The following ENO4 variants were observed in gnomAD, a reference collection of about 807,000 sequenced individuals.
ENO4 encodes enolase 4.
A neutral mutation model predicts 63.2 loss-of-function variants in ENO4; 53 were observed. The ratio of observed to expected loss-of-function variants is 0.84; its 90% CI spans 0.67 to 1.05. The LOEUF (loss-of-function observed/expected upper bound fraction) is 1.05. Ranked by LOEUF, ENO4 falls within the 50% of genes least tolerant of loss-of-function variation. The pLI is 0.00. For synonymous variants in ENO4, 266 were observed against 283.8 expected (o/e 0.94, Z 0.63); for missense variants, 719 against 772.0 (o/e 0.93, Z 0.81).
At chr10:116,899,527 G>A (rs1394759814) in intron 10 of ENO4, among the ~76,000 whole-genome samples, 2 of 86,376 alleles carry the variant, frequency 2.3e-5, no homozygotes, top group Non-Finnish European at 6.4e-5. Flanking sequence ...GTGTGTGTGT[G>A]TGTGTGTGTG....
chr10:116,878,238 C>T (rs1846891099), intron 11 of ENO4, among the ~76,000 whole-genome samples: 1 of 152,174 alleles, frequency 6.6e-6, no homozygotes, highest in Non-Finnish European at 1.5e-5. Flanking sequence ...AGGAACTAGA[C>T]AGAAAGCTGG....
chr10:116,861,257 A>T, intron 6 of ENO4, 67 bp downstream of exon 6: 3 of 405,862 alleles, frequency 7.4e-6, no homozygotes, highest in Non-Finnish European at 1.1e-5. Context: ...ATATATATAT[A>T]CTCCGTCATT....
intron 10 of ENO4, among the ~76,000 whole-genome samples, chr10:116,903,381 C>G (rs558936634): frequency 9.9e-5 from 15 of 152,108 alleles, no homozygotes; most frequent in African/African-American, 3.4e-4. Flanking sequence ...AGAAATCAGC[C>G]AGGTTTGATG....
chr10:116,879,989 A>G lies in ENO4; in HGVS notation c.1723+3A>G, dbSNP rs1329190522. On this transcript the variant is annotated splice_donor_region_variant and intron_variant, in intron 13 of 13. Transcript: ENST00000341276. ...ACTTGTCCAGAATGGAACACTGGGTATGCGCTGCTTTCTTGCTTTGTTTCC... is the reference window on the plus strand; with the variant it reads ...ACTTGTCCAGAATGGAACACTGGGTGTGCGCTGCTTTCTTGCTTTGTTTCC... 2 of 1,535,032 alleles carry G rather than the reference A, an allele frequency of 1.3e-6. No individual in the cohort carries two copies. Among genetic ancestry groups the G allele is most frequent in the Non-Finnish European group, 1.8e-6 (2 of 1,133,552 alleles).
intron 10 of ENO4, among the ~76,000 whole-genome samples, chr10:116,907,070 T>C (rs1184297165): frequency 6.6e-6 from 1 of 152,130 alleles, no homozygotes; most frequent in Non-Finnish European, 1.5e-5. Context: ...GTGATGTGTG[T>C]TGACTGGGTG....
chr10:116,879,651 G>T (rs186941718), intron 12 of ENO4, among the ~76,000 whole-genome samples: 3 of 152,174 alleles, frequency 2.0e-5, no homozygotes. Flanking sequence ...GCATGCCTAC[G>T]TGACTAGTAA....
chr10:116,878,836 C>T (rs952151433), intron 11 of ENO4, among the ~76,000 whole-genome samples: 6 of 149,870 alleles, frequency 4.0e-5, no homozygotes, highest in Non-Finnish European at 7.4e-5. Flanking sequence ...CTCTGCCTCC[C>T]GGGTTCACGC....
intron 2 of ENO4, among the ~76,000 whole-genome samples, chr10:116,856,149 T>C (rs917939537): frequency 2.0e-5 from 3 of 152,216 alleles, no homozygotes; most frequent in Admixed American, 6.5e-5. Context: ...TAACAATTCG[T>C]TTTAATTCAC....
In ENO4 at chr10:116,904,055, A is replaced by T. The variant is rs559096256; in HGVS notation, c.1195-7444A>T. ...ACATCCTTTGTCCCTGGGGCAGATAACCATTAACCTGAGATCTTAGCTCTG... is the reference window on the plus strand; with the variant it reads ...ACATCCTTTGTCCCTGGGGCAGATATCCATTAACCTGAGATCTTAGCTCTG... On this transcript the variant is annotated intron_variant, in intron 10 of 10. Transcript: ENST00000369207. Among the ~76,000 whole-genome samples the T allele has an allele frequency of 3.3e-5, 5 of 152,288 alleles. No homozygotes were observed. The South Asian group carries it at 1.0e-3, about 32-fold the overall frequency.
downstream of ENO4, chr10:116,885,679 C>G (rs1847143651): frequency 6.6e-6 from 1 of 152,342 alleles, no homozygotes; most frequent in East Asian, 1.9e-4. Context: ...GTTCTGTATT[C>G]AGGCTACCAG....
downstream of ENO4, chr10:116,883,648 A>C (rs1045784458): frequency 1.3e-5 from 2 of 152,558 alleles, no homozygotes; most frequent in African/African-American, 4.8e-5. Context: ...AATTAAAAAT[A>C]ATTGTTACCT....
In ENO4 at chr10:116,893,460, T is replaced by A. The variant is rs144193648; in HGVS notation, c.1194+13474T>A. Among the ~76,000 whole-genome samples the A allele has an allele frequency of 5.2e-3, 792 of 152,080 alleles. 10 individuals carry two copies. The highest frequency in any genetic ancestry group is 0.018 in the African/African-American group (754 of 41,502). On this transcript the variant is annotated intron_variant, in intron 10 of 10. Transcript: ENST00000369207. ...CTTTAATTGTATAAGAGCATCAGAT[T>A]AAGCAGTAACGTCCATGCAGTTCAT...
At chr10:116,871,017 A>T in intron 8 of ENO4, 108 bp from the exon 9 acceptor site, 1 of 914,370 alleles carries the variant, frequency 1.1e-6, no homozygotes, top group Non-Finnish European at 1.6e-6. Context: ...GAATCAAAGG[A>T]CTGATCTTTG....
chr10:116,853,437 C>T (rs1423177542), intron 1 of ENO4, among the ~76,000 whole-genome samples: 1 of 151,992 alleles, frequency 6.6e-6, no homozygotes, highest in Non-Finnish European at 1.5e-5. Flanking sequence ...AATGTAATGA[C>T]ATAATGTATA....
At chr10:116,870,882 A>C (rs1331654639) in intron 8 of ENO4, among the ~76,000 whole-genome samples, 1 of 152,090 alleles carries the variant, frequency 6.6e-6, no homozygotes, top group African/African-American at 2.4e-5. Flanking sequence ...ACACAGACAC[A>C]CTAAAGAGAG....
intron 8 of ENO4, among the ~76,000 whole-genome samples, chr10:116,870,155 T>C (rs1050418777): frequency 6.6e-6 from 1 of 152,178 alleles, no homozygotes; most frequent in African/African-American, 2.4e-5. Flanking sequence ...CCCGGGTTCA[T>C]GTTTGTCATT....
At chr10:116,879,468 A>G (rs1465822535) in intron 12 of ENO4, 110 bp downstream of exon 12, 2 of 799,684 alleles carry the variant, frequency 2.5e-6, no homozygotes, top group East Asian at 5.5e-5. Context: ...TATGAAATAG[A>G]CTTGCTTCCT....
intron 10 of ENO4, among the ~76,000 whole-genome samples, chr10:116,891,193 G>A (rs563170249): frequency 6.6e-6 from 1 of 152,318 alleles, no homozygotes; most frequent in African/African-American, 2.4e-5. Context: ...GAACTTTTAA[G>A]CGGTGAGAGT....
At chr10:116,858,344 T>C (rs1223227811) in intron 3 of ENO4, among the ~76,000 whole-genome samples, 1 of 152,244 alleles carries the variant, frequency 6.6e-6, no homozygotes, top group Non-Finnish European at 1.5e-5. Context: ...TAGCTGAGTA[T>C]AGAATTCTCT....
Sources: gnomAD v4.1 joint callset for allele counts (sites outside exome capture counted in the v4.1 genomes callset) on GRCh38, gnomAD v4.1.1 for gene constraint, MANE v1.5 for transcripts, NCBI Gene and HGNC (gene_info 2026-07-23, HGNC 2026-07-21) for gene names.